CTTNBP2NL: variants seen among roughly 807,000 people sequenced by gnomAD.
CTTNBP2NL encodes the protein CTTNBP2 N-terminal-like protein.
In CTTNBP2NL, 16 loss-of-function variants were observed where a neutral mutation model predicts 32.5. The observed-to-expected ratio is 0.49, with a 90% CI of 0.33 to 0.75. CTTNBP2NL has a LOEUF of 0.75. Among genes scored for constraint, CTTNBP2NL ranks in the 30% least tolerant of loss-of-function variants. CTTNBP2NL has a pLI of 0.02. For synonymous variants in CTTNBP2NL, 298 were observed against 289.4 expected, an observed-to-expected ratio of 1.03 and a Z score of -0.30; for missense variants, 645 against 756.0, an observed-to-expected ratio of 0.85 and a Z score of 1.72.
At chr1:112,421,281 T>G (rs139097323) in intron 3 of CTTNBP2NL, among the ~76,000 whole-genome samples, 1,729 of 149,618 alleles carry the variant, frequency 0.012, 37 homozygotes, top group African/African-American at 0.034. Context: ...GTCTAGCCTT[T>G]GCAACATAAT....
Position 112,458,452 on chromosome 1 carries a change from A to G in CTTNBP2NL, c.*1040A>G, listed in dbSNP as rs1296583373. 1 of 152,646 alleles carries G rather than the reference A, an allele frequency of 6.6e-6. No homozygotes were observed. The highest frequency in any genetic ancestry group is 1.5e-5 in the Non-Finnish European group (1 of 68,050). The allele number at this position is 152,646 out of a possible 1,614,324, so 9.5% of individuals were successfully genotyped here. On this transcript the variant is annotated 3_prime_UTR_variant, in exon 6 of 6. Coordinates refer to ENST00000271277, the MANE Select transcript of CTTNBP2NL (RefSeq NM_018704.3). ...ATGGGAAGTATACATATATCTGTAT[A>G]GATACATTACCCCTTTACATGTTTA...
At chr1:112,445,748 A>G (rs191086261) in intron 3 of CTTNBP2NL, among the ~76,000 whole-genome samples, 1 of 152,230 alleles carries the variant, frequency 6.6e-6, no homozygotes, top group African/African-American at 2.4e-5. Flanking sequence ...GACCTCACCA[A>G]AGAAGCTCTT....
intron 4 of CTTNBP2NL, 61 bp from the exon 5 acceptor site, chr1:112,454,388 G>T: frequency 8.0e-7 from 1 of 1,244,576 alleles, no homozygotes; most frequent in Non-Finnish European, 1.2e-6. Context: ...CTTATTATTG[G>T]TTGTATTAAT....
Position 112,457,236 on chromosome 1 carries a change from A to G in CTTNBP2NL, c.1744A>G (p.Ile582Val), listed in dbSNP as rs1393485361. 3 of 1,614,076 alleles carry G rather than the reference A, an allele frequency of 1.9e-6. No individual in the cohort carries two copies. The highest frequency in any genetic ancestry group is 2.5e-6 in the Non-Finnish European group (3 of 1,180,000). The change falls in exon 6 of 6, where the codon ATC (isoleucine) becomes GTC (valine). Residue 582 changes from isoleucine (I) to valine (V), a missense_variant. By Grantham distance (29) the Ile-to-Val change is conservative. Transcript: ENST00000271277. ...AGCTGAGAGAGGAAACCCTCCACCC[A>G]TCCCACCCAAGAAACCTGGCCTCAC... Reference protein sequence around the residue: ...PRAERGNPPPIPPKKPGLTPS... With the variant: ...PRAERGNPPPVPPKKPGLTPS...
chr1:112,432,337 A>G (rs900977045), intron 3 of CTTNBP2NL, among the ~76,000 whole-genome samples: 3 of 152,118 alleles, frequency 2.0e-5, no homozygotes, highest in Admixed American at 1.3e-4. Context: ...CTGGGATTAC[A>G]GGCGTGAGCC....
At position 112,449,045 on chromosome 1, in the gene CTTNBP2NL, A is replaced by C; in HGVS notation, c.203A>C (p.Asn68Thr). The C allele has an allele frequency of 1.9e-6, 3 of 1,612,524 alleles. No homozygotes were observed. The highest frequency in any genetic ancestry group is 2.5e-6 in the Non-Finnish European group (3 of 1,178,512). Residue 68 changes from asparagine to threonine, a missense_variant, in exon 4 of 6, where the codon AAT becomes ACT. Physicochemically the swap from Asn to Thr is moderately conservative, Grantham distance 65. Transcript: ENST00000271277. The stretch of plus-strand genomic sequence containing the variant: ...GATTTTGAAACACTGAAGGAGAAAA[A>C]TGATGGCGAAAAGCAGCCAGTCTGC... Reference protein sequence around the residue: ...QRDFETLKEKNDGEKQPVCTN... With the variant: ...QRDFETLKEKTDGEKQPVCTN...
Position 112,456,458 on chromosome 1 carries a change from C to T in CTTNBP2NL, c.966C>T (p.Thr322=), listed in dbSNP as rs749728454. ...CAGAGAGTTTTCCAGCAGAAAGAAC[C>T]CATGGGAGCAACATAGCCAAGATGA... The part of the protein sequence containing the change: ...CQTESFPAER[T]HGSNIAKMTN... Residue 322 remains threonine (T), a synonymous_variant, in exon 6 of 6, where the codon ACC becomes ACT. Transcript: ENST00000271277. The T allele has an allele frequency of 1.2e-6, 2 of 1,614,066 alleles. No individual in the cohort carries two copies. Among genetic ancestry groups the T allele is most frequent in the East Asian group, 2.2e-5 (1 of 44,880 alleles).
At chr1:112,404,939 T>C (rs1299311703) in intron 1 of CTTNBP2NL, among the ~76,000 whole-genome samples, 1 of 152,016 alleles carries the variant, frequency 6.6e-6, no homozygotes, top group East Asian at 1.9e-4. Flanking sequence ...TAATCCCAGC[T>C]ACTTGGGAGT....
intron 1 of CTTNBP2NL, among the ~76,000 whole-genome samples, chr1:112,401,301 T>G (rs1311654048): frequency 6.6e-6 from 1 of 152,170 alleles, no homozygotes; most frequent in East Asian, 1.9e-4. Context: ...TAGGAGAGTG[T>G]GTATCTGTCT....
chr1:112,442,493 C>A (rs1319035376), intron 3 of CTTNBP2NL, among the ~76,000 whole-genome samples: 2 of 152,236 alleles, frequency 1.3e-5, no homozygotes, highest in South Asian at 4.2e-4. Context: ...AACACATTTT[C>A]TTCCCCACCT....
rs1648894155 is a variant in CTTNBP2NL at position 112,412,272 on chromosome 1, G to GT, written c.-54dup. The GT allele has an allele frequency of 6.6e-6, 1 of 152,120 alleles. No homozygotes were observed. 9.4% of individuals were successfully genotyped at this position (152,120 alleles called of 1,614,324 possible). ...TCCCAATTTTTTACTGAAGAAAACT[G>GT]TAAGTTTATACTTGAGGACTGAAGT... is the stretch of plus-strand genomic sequence containing the variant. On this transcript the variant is annotated 5_prime_UTR_variant, in exon 2 of 6. It introduces an in-frame stop codon into an upstream open reading frame of the 5' UTR. Transcript: ENST00000271277.
chr1:112,423,134 T>C (rs1649278555), intron 3 of CTTNBP2NL, among the ~76,000 whole-genome samples: 1 of 152,200 alleles, frequency 6.6e-6, no homozygotes, highest in African/African-American at 2.4e-5. Flanking sequence ...TTAAAATCTT[T>C]TGCCCATTTT....
Position 112,436,771 on chromosome 1 carries a change from C to T in CTTNBP2NL, c.100-12171C>T, listed in dbSNP as rs141549205. Among the ~76,000 whole-genome samples, 1,256 of 152,140 alleles carry T rather than the reference C, an allele frequency of 8.3e-3. 18 individuals carry two copies. The highest frequency in any genetic ancestry group is 0.028 in the African/African-American group (1,181 of 41,494). On this transcript the variant is annotated intron_variant, in intron 3 of 5. Transcript: ENST00000271277. ...AGATTATTTCATCACCCCTAGTACC[C>T]TGTAGTTATTTTTTCTGGTCTTCTC...
intron 1 of CTTNBP2NL, among the ~76,000 whole-genome samples, chr1:112,403,697 C>T (rs980306411): frequency 5.9e-5 from 9 of 152,196 alleles, no homozygotes; most frequent in African/African-American, 1.9e-4. Context: ...CAAAGGTATG[C>T]GTTTACCTGT....
intron 3 of CTTNBP2NL, among the ~76,000 whole-genome samples, chr1:112,425,043 C>T (rs1396881690): frequency 2.0e-5 from 3 of 150,098 alleles, no homozygotes; most frequent in African/African-American, 7.4e-5. Flanking sequence ...AGGTTGGTCT[C>T]GAACTCCTGG....
At chr1:112,427,626 T>G (rs1649439479) in intron 3 of CTTNBP2NL, among the ~76,000 whole-genome samples, 1 of 152,220 alleles carries the variant, frequency 6.6e-6, no homozygotes, top group Non-Finnish European at 1.5e-5. Context: ...CTGGGTGTGG[T>G]GGCTCATGCC....
At chr1:112,430,571 G>A (rs1201239820) in intron 3 of CTTNBP2NL, among the ~76,000 whole-genome samples, 2 of 49,872 alleles carry the variant, frequency 4.0e-5, no homozygotes, top group African/African-American at 1.4e-4. Flanking sequence ...TTTTTTTTTT[G>A]AGACAGAGTC....
At chr1:112,424,517 T>C (rs1187360716) in intron 3 of CTTNBP2NL, among the ~76,000 whole-genome samples, 1 of 152,212 alleles carries the variant, frequency 6.6e-6, no homozygotes. Context: ...CCTTCGCATT[T>C]CCATATGAAT....
At position 112,452,335 on chromosome 1, in the gene CTTNBP2NL, C is replaced by CTTCTTTTTTTTTTTTTTTT. The variant is rs1553227272; in HGVS notation, c.331-2112_331-2111insCTTTTTTTTTTTTTTTTTT. On this transcript the variant is annotated intron_variant, in intron 4 of 5. Coordinates refer to ENST00000271277, the MANE Select transcript of CTTNBP2NL (RefSeq NM_018704.3). ...GCATACACCACAGCACCAGTCTCTT[C>CTTCTTTTTTTTTTTTTTTT]TTTTTTTTTTTTTTTTTTTTTTTTT... 1.9e-3 allele frequency among the ~76,000 whole-genome samples: 124 copies of CTTCTTTTTTTTTTTTTTTT among 65,724 alleles called. 3 individuals are homozygous for CTTCTTTTTTTTTTTTTTTT. Among genetic ancestry groups the CTTCTTTTTTTTTTTTTTTT allele is most frequent in the African/African-American group, 7.4e-3 (121 of 16,416 alleles). The allele number at this position is 65,724 out of a possible 152,430, so 43.1% of individuals were successfully genotyped here.
Sources: gnomAD v4.1 joint callset for allele counts (sites outside exome capture counted in the v4.1 genomes callset) on GRCh38, gnomAD v4.1.1 for gene constraint, MANE v1.5 for transcripts, NCBI Gene and HGNC (gene_info 2026-07-23, HGNC 2026-07-21) for gene names.